The following HEATR4 variants were observed in gnomAD, a reference collection of about 807,000 sequenced individuals.
HEATR4 encodes the protein HEAT repeat-containing protein 4.
A neutral mutation model predicts 108.8 loss-of-function variants in HEATR4; 95 were observed. The observed-to-expected ratio is 0.87, with a 90% CI of 0.74 to 1.04. HEATR4 has a LOEUF of 1.04. Ranked by LOEUF, HEATR4 falls within the 50% of genes least tolerant of loss-of-function variation. The probability of loss-of-function intolerance (pLI) is 0.00; values close to 1 mark genes in which losing one functional copy is unlikely to be tolerated. For synonymous variants in HEATR4, 443 were observed against 459.4 expected, an observed-to-expected ratio of 0.96 and a Z score of 0.46; for missense variants, 1,152 against 1,253.8, an observed-to-expected ratio of 0.92 and a Z score of 1.23.
intron 1 of HEATR4, among the ~76,000 whole-genome samples, chr14:73,558,513 ATTTTTTTTTT>A (rs66706377): frequency 1.4e-5 from 1 of 73,528 alleles, no homozygotes; most frequent in South Asian, 5.8e-4. Flanking sequence ...TCTCGGTTAA[ATTTTTTTTTT>A]TTTTTTTTTT....
chr14:73,623,017 C>T, the HEATR4 span, among the ~76,000 whole-genome samples: 6 of 152,054 alleles, frequency 3.9e-5, no homozygotes, highest in African/African-American at 1.4e-4. Context: ...TCAAGCGATT[C>T]TCCTGCCTCA....
At chr14:73,500,326 C>CT (rs1202939143) in intron 12 of HEATR4, among the ~76,000 whole-genome samples, 1 of 147,084 alleles carries the variant, frequency 6.8e-6, no homozygotes, top group African/African-American at 2.5e-5. Flanking sequence ...TGTTAGTGTA[C>CT]TTTATATGTG....
the HEATR4 span, chr14:73,581,300 G>T: frequency 6.6e-6 from 1 of 151,926 alleles, no homozygotes; most frequent in African/African-American, 2.4e-5. Context: ...GTCTGGTGAG[G>T]GCCTGTTCCT....
Position 73,507,216 on chromosome 14 carries a change from A to G in HEATR4, c.1882-645T>C, listed in dbSNP as rs990635899. 5.9e-5 allele frequency among the ~76,000 whole-genome samples: 9 copies of G among 152,304 alleles called. No individual in the cohort carries two copies. In the East Asian group the frequency reaches 1.5e-3, roughly 26 times the overall value. ...CAAATATAGGCCTCTGCAGTTTTCA[A>G]TGGTAAACTTCTAGCAGAAGCAAAT... On this transcript the variant is annotated intron_variant, in intron 9 of 17. Coordinates refer to ENST00000553558, the MANE Select transcript of HEATR4 (RefSeq NM_001220484.1).
the HEATR4 span, among the ~76,000 whole-genome samples, chr14:73,578,011 C>T: frequency 6.6e-6 from 1 of 151,814 alleles, no homozygotes; most frequent in African/African-American, 2.4e-5. Flanking sequence ...CCACCATGCC[C>T]AGCTAAATTT....
At chr14:73,479,673 G>A (rs952311439) in intron 17 of HEATR4, among the ~76,000 whole-genome samples, 2 of 151,346 alleles carry the variant, frequency 1.3e-5, no homozygotes, top group Non-Finnish European at 2.9e-5. Context: ...CAGGTGATCC[G>A]CCGGCCTCGG....
At chr14:73,599,072 T>TA in the HEATR4 span, among the ~76,000 whole-genome samples, 3 of 152,238 alleles carry the variant, frequency 2.0e-5, no homozygotes, top group East Asian at 5.8e-4. Context: ...AAGCTTAAAA[T>TA]ACATGTATAA....
the HEATR4 span, chr14:73,592,155 C>A: frequency 1.3e-6 from 2 of 1,597,604 alleles, no homozygotes; most frequent in Non-Finnish European, 1.7e-6. Context: ...GGAGCGCGCA[C>A]CCGCGCTGGG....
At position 73,506,517 on chromosome 14, in the gene HEATR4, G is replaced by T; in HGVS notation, c.1936C>A (p.Arg646=). 11 of 1,613,736 alleles carry T rather than the reference G, an allele frequency of 6.8e-6. No individual in the cohort carries two copies. The highest frequency in any genetic ancestry group is 9.3e-6 in the Non-Finnish European group (11 of 1,180,028). ...GAGAAAGCCTGGCAGGCCACAATCC[G>T]GTTCTTCCATTGACAGCTGTTCAGC... is the stretch of plus-strand genomic sequence containing the variant. The part of the protein sequence containing the change: ...VELNSCQWKN[R]IVACQAFSRI... The change falls in exon 10 of 18, where the codon CGG becomes AGG. Residue 646 remains arginine (R), a synonymous_variant. Coordinates refer to ENST00000553558, the MANE Select transcript of HEATR4 (RefSeq NM_001220484.1).
chr14:73,478,485 A>T lies in HEATR4; in HGVS notation c.*121T>A. 1 of 709,630 alleles carries T rather than the reference A, an allele frequency of 1.4e-6. No individual in the cohort carries two copies. The highest frequency in any genetic ancestry group is 2.5e-6 in the Non-Finnish European group (1 of 402,560). The allele number at this position is 709,630 out of a possible 1,614,324, so 44.0% of individuals were successfully genotyped here. Reference sequence around the variant, plus strand: ...TAGTGCGCATTAAGACATGAGGTCTACTGTTAAATAATTTCTCTTTATAAA... The same window carrying T: ...TAGTGCGCATTAAGACATGAGGTCTTCTGTTAAATAATTTCTCTTTATAAA... On this transcript the variant is annotated 3_prime_UTR_variant, in exon 18 of 18. Coordinates refer to ENST00000553558, the MANE Select transcript of HEATR4 (RefSeq NM_001220484.1).
chr14:73,598,389 CAAA>C, the HEATR4 span, among the ~76,000 whole-genome samples: 8 of 103,330 alleles, frequency 7.7e-5, no homozygotes, highest in Admixed American at 3.1e-4. Flanking sequence ...GACTCCGTCT[CAAA>C]AAAAAAAAAA....
chr14:73,492,781 C>T lies in HEATR4; in HGVS notation c.2844+285G>A. The T allele has an allele frequency of 1.2e-6, 2 of 1,613,922 alleles. No individual in the cohort carries two copies. Among genetic ancestry groups the T allele is most frequent in the Non-Finnish European group, 1.7e-6 (2 of 1,179,890 alleles). On this transcript the variant is annotated intron_variant, in intron 17 of 17. Coordinates refer to ENST00000553558, the MANE Select transcript of HEATR4 (RefSeq NM_001220484.1). This position sits in a 1 kb window ranked among gnomAD's most constrained non-coding sequence, Gnocchi z 4.9. ...AAGAACCCAAGTGCTTGGAAATATA[C>T]CCCCAGCAAGCTGATGCCATGGAAC...
chr14:73,632,225 C>T, the HEATR4 span, among the ~76,000 whole-genome samples: 1 of 151,990 alleles, frequency 6.6e-6, no homozygotes, highest in African/African-American at 2.4e-5. Flanking sequence ...ATCCTTCTGC[C>T]TCTGTCTCCC....
upstream of HEATR4, among the ~76,000 whole-genome samples, chr14:73,559,781 C>T (rs376696466): frequency 8.5e-5 from 13 of 152,140 alleles, no homozygotes; most frequent in African/African-American, 3.1e-4. Context: ...ATATATGCAG[C>T]TCCATATTCT....
chr14:73,498,057 C>G (rs1886206137), intron 14 of HEATR4, 98 bp downstream of exon 14: 26 of 1,148,262 alleles, frequency 2.3e-5, no homozygotes, highest in Non-Finnish European at 3.2e-5. Context: ...CTTTTACTGC[C>G]ATTAGGTAGC....
At chr14:73,584,822 G>A in the HEATR4 span, among the ~76,000 whole-genome samples, 1 of 148,664 alleles carries the variant, frequency 6.7e-6, no homozygotes, top group Non-Finnish European at 1.5e-5. Flanking sequence ...CCCCTGTGCC[G>A]ACACAAATCA....
intron 17 of HEATR4, among the ~76,000 whole-genome samples, chr14:73,485,868 CAAA>C (rs60903942): frequency 6.8e-6 from 1 of 146,412 alleles, no homozygotes. Context: ...GACTCTGTCT[CAAA>C]AAAAAAAAAA....
In HEATR4 at chr14:73,553,696, G is replaced by A. The variant is rs1429076632; in HGVS notation, c.-152+5055C>T. Among the ~76,000 whole-genome samples the A allele has an allele frequency of 1.4e-4, 16 of 111,878 alleles. 5 individuals are homozygous for A. The highest frequency in any genetic ancestry group is 4.0e-4 in the African/African-American group (14 of 34,702). 73.4% of individuals were successfully genotyped at this position (111,878 alleles called of 152,430 possible). ...GTCCCCCAGGCTGGAGTGCAGCAGC[G>A]CAATCTTGGCACACTGCAACCTCTG... is the stretch of plus-strand genomic sequence containing the variant. On this transcript the variant is annotated intron_variant, in intron 1 of 17. Coordinates refer to ENST00000553558, the MANE Select transcript of HEATR4 (RefSeq NM_001220484.1).
the HEATR4 span, chr14:73,567,933 G>A: frequency 6.6e-6 from 1 of 152,072 alleles, no homozygotes; most frequent in Admixed American, 6.6e-5. Context: ...AACATCAGAG[G>A]AAACAAACTC....
Sources: allele counts gnomAD v4.1 joint callset (sites outside exome capture counted in the v4.1 genomes callset), GRCh38; gene constraint gnomAD v4.1.1; non-coding constraint Gnocchi (gnomAD v3.1); transcripts MANE v1.5; gene names NCBI Gene and HGNC (gene_info 2026-07-23, HGNC 2026-07-21).